The following SLC27A2 variants were observed in gnomAD, a reference collection of about 807,000 sequenced individuals.
SLC27A2 encodes solute carrier family 27 member 2, also known as long-chain fatty acid transport protein 2.
A neutral mutation model predicts 60.0 loss-of-function variants in SLC27A2; 54 were observed. The ratio of observed to expected loss-of-function variants is 0.90; its 90% CI spans 0.72 to 1.13. The LOEUF is 1.13. Among genes scored for constraint, SLC27A2 ranks in the 50% most tolerant of loss-of-function variants. SLC27A2 has a pLI of 0.00. For synonymous variants in SLC27A2, 297 were observed against 297.6 expected (o/e 1.00, Z 0.02); for missense variants, 739 against 777.6 (o/e 0.95, Z 0.59).
chr15:50,208,195 C>A (rs1023879481), intron 4 of SLC27A2, among the ~76,000 whole-genome samples: 1 of 152,120 alleles, frequency 6.6e-6, no homozygotes, highest in African/African-American at 2.4e-5. Flanking sequence ...GAATCTGGGG[C>A]CAGTGTTGGG....
At chr15:50,202,141 T>G (rs1405817262) in intron 2 of SLC27A2, among the ~76,000 whole-genome samples, 1 of 152,244 alleles carries the variant, frequency 6.6e-6, no homozygotes, top group Admixed American at 6.5e-5. Flanking sequence ...ACTCAGGAGT[T>G]AGCAATCTAT....
At chr15:50,217,388 C>G (rs2045206785) in intron 4 of SLC27A2, among the ~76,000 whole-genome samples, 1 of 152,124 alleles carries the variant, frequency 6.6e-6, no homozygotes, top group African/African-American at 2.4e-5. Flanking sequence ...CAGAGGAGAG[C>G]AGGGACGAGG....
At chr15:50,204,197 G>C (rs939315712) in intron 3 of SLC27A2, among the ~76,000 whole-genome samples, 1 of 152,188 alleles carries the variant, frequency 6.6e-6, no homozygotes, top group Non-Finnish European at 1.5e-5. Context: ...AGGCACAGTG[G>C]CTTATGCCTG....
At chr15:50,213,320 C>T (rs112753726) in intron 4 of SLC27A2, among the ~76,000 whole-genome samples, 14,477 of 152,086 alleles carry the variant, frequency 0.095, 873 homozygotes, top group Middle Eastern at 0.16. Context: ...TGCTACTAGA[C>T]CTAAGAAATA....
At chr15:50,224,839 C>T (rs2045268477) in intron 5 of SLC27A2, among the ~76,000 whole-genome samples, 1 of 152,226 alleles carries the variant, frequency 6.6e-6, no homozygotes, top group Admixed American at 6.5e-5. Flanking sequence ...ATCATCACAG[C>T]AGATTCCTGG....
Position 50,182,604 on chromosome 15 carries a change from C to T in SLC27A2, c.177C>T (p.Phe59=), listed in dbSNP as rs141946591. ...RRPARTILRA[F]LEKARQTPHK... is the part of the protein sequence containing the mutation. ...CGGCGCGCACCATCCTGCGGGCGTTCCTGGAGAAAGCGCGCCAGACGCCAC... is the reference window on the plus strand; with the variant it reads ...CGGCGCGCACCATCCTGCGGGCGTTTCTGGAGAAAGCGCGCCAGACGCCAC... The change falls in exon 1 of 10, where the codon TTC becomes TTT. Residue 59 remains phenylalanine, a synonymous_variant. Transcript: ENST00000267842. 6.2e-7 allele frequency: 1 copy of T among 1,613,718 alleles called. No homozygotes were observed.
chr15:50,186,523 C>T (rs764401961), intron 1 of SLC27A2, among the ~76,000 whole-genome samples: 4 of 152,172 alleles, frequency 2.6e-5, no homozygotes, highest in South Asian at 4.1e-4. Context: ...CGGCAACCTC[C>T]GCCTCCCAGG....
At chr15:50,187,969 CAA>C (rs36119542) in intron 1 of SLC27A2, among the ~76,000 whole-genome samples, 57 of 105,606 alleles carry the variant, frequency 5.4e-4, no homozygotes, top group Admixed American at 4.8e-4. Context: ...GAGAGGCCAC[CAA>C]AAAAAAAAAA....
At chr15:50,205,009 CT>C (rs1315964631) in intron 3 of SLC27A2, among the ~76,000 whole-genome samples, 1 of 151,188 alleles carries the variant, frequency 6.6e-6, no homozygotes, top group Non-Finnish European at 1.5e-5. Context: ...TGCAAGCTAA[CT>C]TTTATTAAAA....
chr15:50,216,656 A>ATAT (rs2045199399), intron 4 of SLC27A2, among the ~76,000 whole-genome samples: 2 of 115,654 alleles, frequency 1.7e-5, no homozygotes, highest in African/African-American at 6.5e-5. Context: ...ATATATATAT[A>ATAT]GTATAGTTTG....
chr15:50,228,500 T>C (rs2045292917), intron 7 of SLC27A2, among the ~76,000 whole-genome samples: 1 of 152,098 alleles, frequency 6.6e-6, no homozygotes, highest in Admixed American at 6.5e-5. Context: ...GTGTGATTTT[T>C]TTTTTCCTTT....
At chr15:50,216,035 G>A (rs2045193077) in intron 4 of SLC27A2, among the ~76,000 whole-genome samples, 2 of 152,182 alleles carry the variant, frequency 1.3e-5, no homozygotes, top group African/African-American at 4.8e-5. Flanking sequence ...AACCCACGGA[G>A]TGGGAGAAAA....
chr15:50,217,861 C>G lies in SLC27A2; in HGVS notation c.973-5104C>G, dbSNP rs560883234. Among the ~76,000 whole-genome samples the G allele has an allele frequency of 3.2e-3, 480 of 152,078 alleles. 1 individual carries two copies. Among genetic ancestry groups the G allele is most frequent in the African/African-American group, 0.011 (462 of 41,476 alleles). ...ACAAGGTCAGGAGTTCAAGACCAGCCTGGCCAACATGGTGAAACCCCATCT... is the reference window on the plus strand; with the variant it reads ...ACAAGGTCAGGAGTTCAAGACCAGCGTGGCCAACATGGTGAAACCCCATCT... On this transcript the variant is annotated intron_variant, in intron 4 of 9. Transcript: ENST00000267842.
intron 1 of SLC27A2, among the ~76,000 whole-genome samples, chr15:50,190,617 TA>T (rs10532098): frequency 0.089 from 13,184 of 147,792 alleles, 659 homozygotes; most frequent in African/African-American, 0.11. Flanking sequence ...CCTTTTTCCT[TA>T]AAAAAAAAAA....
At chr15:50,204,748 A>C (rs1279941734) in intron 3 of SLC27A2, among the ~76,000 whole-genome samples, 1 of 151,094 alleles carries the variant, frequency 6.6e-6, no homozygotes, top group African/African-American at 2.4e-5. Flanking sequence ...AAGAAAAAAA[A>C]ATAGAGCAAG....
At position 50,182,307 on chromosome 15, in the gene SLC27A2, G is replaced by C. The variant is rs1450593841; in HGVS notation, c.-121G>C. 4 of 1,316,892 alleles carry C rather than the reference G, an allele frequency of 3.0e-6. No individual in the cohort carries two copies. Among genetic ancestry groups the C allele is most frequent in the Non-Finnish European group, 3.9e-6 (4 of 1,034,558 alleles). 81.6% of individuals were successfully genotyped at this position (1,316,892 alleles called of 1,614,324 possible). A position where few individuals can be genotyped will look rare whatever the true frequency, so the allele number is the denominator to read the frequency against. Reference sequence around the variant, plus strand: ...TTCCCCTTCATCTCACGCGAGCCCGGCGTCCCGCCGCGTGCGCCCCGGCGC... The same window carrying C: ...TTCCCCTTCATCTCACGCGAGCCCGCCGTCCCGCCGCGTGCGCCCCGGCGC... On this transcript the variant is annotated 5_prime_UTR_variant, in exon 1 of 10. Transcript: ENST00000267842.
intron 7 of SLC27A2, among the ~76,000 whole-genome samples, chr15:50,227,777 G>T (rs575472687): frequency 1.3e-5 from 2 of 152,292 alleles, no homozygotes; most frequent in South Asian, 4.1e-4. Context: ...GTGTCTGCCT[G>T]TTCACCCCCA....
intron 2 of SLC27A2, among the ~76,000 whole-genome samples, chr15:50,201,340 G>A (rs755765734): frequency 3.3e-5 from 5 of 152,108 alleles, no homozygotes; most frequent in Non-Finnish European, 7.3e-5. Flanking sequence ...CATTCATAGT[G>A]TGAATTGCCA....
chr15:50,209,835 G>T (rs567168750), intron 4 of SLC27A2, among the ~76,000 whole-genome samples: 3 of 152,276 alleles, frequency 2.0e-5, no homozygotes, highest in South Asian at 4.2e-4. Context: ...CCTCTTGGAA[G>T]TCACCCCAAA....
Sources: allele counts gnomAD v4.1 joint callset (sites outside exome capture counted in the v4.1 genomes callset), GRCh38; gene constraint gnomAD v4.1.1; transcripts MANE v1.5; gene names NCBI Gene and HGNC (gene_info 2026-07-23, HGNC 2026-07-21).